The following GNB5 variants were observed in gnomAD, a reference collection of about 807,000 sequenced individuals.
GNB5 encodes the protein G protein subunit beta 5, also known as guanine nucleotide-binding protein subunit beta-5.
In GNB5, 37 loss-of-function variants were observed where a neutral mutation model predicts 55.3. That is an observed-to-expected ratio of 0.67 (90% CI 0.51 to 0.88). The LOEUF is 0.88. Among genes scored for constraint, GNB5 ranks in the 40% least tolerant of loss-of-function variants. GNB5 has a pLI of 0.00. For synonymous variants in GNB5, 219 were observed against 198.5 expected, an observed-to-expected ratio of 1.10 and a Z score of -0.87; for missense variants, 476 against 515.3, an observed-to-expected ratio of 0.92 and a Z score of 0.74.
chr15:52,174,084 G>A (rs1019124312), intron 3 of GNB5, among the ~76,000 whole-genome samples: 1 of 152,150 alleles, frequency 6.6e-6, no homozygotes, highest in Non-Finnish European at 1.5e-5. Context: ...GAGCAGGTGG[G>A]TTAGAGTCAG....
intron 3 of GNB5, among the ~76,000 whole-genome samples, chr15:52,165,256 T>C (rs915653662): frequency 1.3e-5 from 2 of 152,114 alleles, no homozygotes; most frequent in Admixed American, 6.6e-5. Flanking sequence ...CTGAAAGATA[T>C]GGGGAGAATG....
At chr15:52,184,959 C>A (rs1243165124) in intron 1 of GNB5, among the ~76,000 whole-genome samples, 2 of 152,240 alleles carry the variant, frequency 1.3e-5, no homozygotes, top group Admixed American at 6.5e-5. Flanking sequence ...CTGCGTCAGG[C>A]AGGATTGATC....
chr15:52,185,753 T>TTTG (rs1555409559), intron 1 of GNB5, among the ~76,000 whole-genome samples: 4 of 136,724 alleles, frequency 2.9e-5, no homozygotes, highest in Non-Finnish European at 6.3e-5. Flanking sequence ...TATTCATCTT[T>TTTG]TTATTATTAT....
intron 2 of GNB5, among the ~76,000 whole-genome samples, chr15:52,182,645 A>T (rs995366081): frequency 6.6e-6 from 1 of 152,186 alleles, no homozygotes; most frequent in South Asian, 2.1e-4. Context: ...GGTCACTCCT[A>T]TTCACAAAAA....
At position 52,124,532 on chromosome 15, in the gene GNB5, G is replaced by A; in HGVS notation, c.1117C>T (p.Leu373=). The A allele has an allele frequency of 6.2e-7, 1 of 1,613,804 alleles. No homozygotes were observed. The highest frequency in any genetic ancestry group is 8.5e-7 in the Non-Finnish European group (1 of 1,179,632). ...GCAGTCCCATCGGGGGAAACTCGTA[G>A]AGTGCTAACGCGGTTTTCATGTCCA... ...LFGHENRVST[L]RVSPDGTAFC... The change falls in exon 12 of 13, where the codon CTA becomes TTA. Residue 373 remains leucine, a synonymous_variant. Transcript: ENST00000261837.
At chr15:52,168,712 T>C (rs925178069) in intron 3 of GNB5, among the ~76,000 whole-genome samples, 1 of 152,054 alleles carries the variant, frequency 6.6e-6, no homozygotes, top group Non-Finnish European at 1.5e-5. Context: ...CTACCCAACT[T>C]CAAAATATAC....
chr15:52,188,712 A>C (rs1451263559), intron 1 of GNB5, among the ~76,000 whole-genome samples: 1 of 152,182 alleles, frequency 6.6e-6, no homozygotes, highest in Non-Finnish European at 1.5e-5. Flanking sequence ...TCCCCTAATA[A>C]CTTTATGCCA....
chr15:52,188,077 G>A (rs938096447), intron 1 of GNB5, among the ~76,000 whole-genome samples: 2 of 152,132 alleles, frequency 1.3e-5, no homozygotes, highest in Non-Finnish European at 2.9e-5. Context: ...TTTTCCTCTA[G>A]TATCTTTATA....
chr15:52,154,226 C>T (rs1303578843), intron 3 of GNB5, 150 bp from the exon 4 acceptor site: 3 of 625,196 alleles, frequency 4.8e-6, no homozygotes, highest in African/African-American at 3.7e-5. Context: ...GATTCCTTAC[C>T]ATTGCATCCT....
At chr15:52,145,562 T>C (rs1310957711) in intron 6 of GNB5, among the ~76,000 whole-genome samples, 2 of 152,064 alleles carry the variant, frequency 1.3e-5, no homozygotes, top group Non-Finnish European at 2.9e-5. Flanking sequence ...GAAGAATTGC[T>C]TGAACCCAGG....
intron 3 of GNB5, among the ~76,000 whole-genome samples, chr15:52,155,317 G>A (rs28437132): frequency 0.13 from 19,626 of 152,156 alleles, 1,356 homozygotes; most frequent in South Asian, 0.2. Context: ...TGACGGGGCC[G>A]TGGCCCATTT....
rs1379641378 is a variant in GNB5 at position 52,154,078 on chromosome 15, T to A, written c.239-2A>T. On this transcript the variant is annotated splice_acceptor_variant, in intron 3 of 12. Transcript: ENST00000261837. LOFTEE classifies it high-confidence loss of function. ...CCACCCGCTCCGCCACCTGGTGCAC[T>A]GGAATGACAAGGCCATAGTCAGTCC... 5.0e-6 allele frequency: 8 copies of A among 1,613,542 alleles called. No individual in the cohort carries two copies. The highest frequency in any genetic ancestry group is 5.9e-6 in the Non-Finnish European group (7 of 1,179,710).
chr15:52,117,363 C>T lies in GNB5; in HGVS notation c.*5394G>A, dbSNP rs1435292461. 1 of 151,998 alleles carries T rather than the reference C, an allele frequency of 6.6e-6. No homozygotes were observed. Among genetic ancestry groups the T allele is most frequent in the Non-Finnish European group, 1.5e-5 (1 of 68,014 alleles). 9.4% of individuals were successfully genotyped at this position (151,998 alleles called of 1,614,324 possible). On this transcript the variant is annotated 3_prime_UTR_variant, in exon 13 of 13. Coordinates refer to ENST00000261837, the MANE Select transcript of GNB5 (RefSeq NM_016194.4). ...TGTTATTTAGGTTGACAGGAACATT[C>T]AAAATTCTCTCTTCTAGCTACTTGA...
chr15:52,184,529 A>AT (rs2034817020), intron 2 of GNB5, 22 bp downstream of exon 2: 6 of 1,607,760 alleles, frequency 3.7e-6, no homozygotes, highest in African/African-American at 1.3e-5. Context: ...AGATAACTGA[A>AT]TTTTTTTTAA....
At chr15:52,146,874 C>G (rs998572256) in intron 6 of GNB5, among the ~76,000 whole-genome samples, 1 of 151,122 alleles carries the variant, frequency 6.6e-6, no homozygotes, top group Non-Finnish European at 1.5e-5. Flanking sequence ...AGAGTCACCA[C>G]GCCTGGTACT....
At chr15:52,152,583 C>A (rs2034122225) in intron 4 of GNB5, among the ~76,000 whole-genome samples, 1 of 151,934 alleles carries the variant, frequency 6.6e-6, no homozygotes, top group Non-Finnish European at 1.5e-5. Context: ...CCTCGGCCTC[C>A]CAAAGTGCTG....
At chr15:52,177,028 C>CTTTTTTT (rs545411940) in intron 3 of GNB5, among the ~76,000 whole-genome samples, 17 of 77,818 alleles carry the variant, frequency 2.2e-4, no homozygotes, top group Admixed American at 3.7e-4. Flanking sequence ...CTAGCTCCTC[C>CTTTTTTT]TTTTTTTTTT....
Position 52,164,774 on chromosome 15 carries a change from A to G in GNB5, c.239-10698T>C, listed in dbSNP as rs540309479. 5.3e-5 allele frequency among the ~76,000 whole-genome samples: 8 copies of G among 152,296 alleles called. No homozygotes were observed. The South Asian group carries it at 1.7e-3, about 32-fold the overall frequency. ...GATGAGAAAGAATCAACACAAAAAC[A>G]CTGAGAACTCAAAAGGCCAGAGTGC... On this transcript the variant is annotated intron_variant, in intron 3 of 12. Transcript: ENST00000261837.
At chr15:52,156,994 G>A (rs1253009132) in intron 3 of GNB5, among the ~76,000 whole-genome samples, 1 of 148,740 alleles carries the variant, frequency 6.7e-6, no homozygotes, top group African/African-American at 2.5e-5. Context: ...GGAGTGCAGT[G>A]GCGGGATCTC....
Sources: gnomAD v4.1 joint callset for allele counts (sites outside exome capture counted in the v4.1 genomes callset) on GRCh38, gnomAD v4.1.1 for gene constraint, MANE v1.5 for transcripts, NCBI Gene and HGNC (gene_info 2026-07-23, HGNC 2026-07-21) for gene names.